PTPRD: variants seen among roughly 807,000 people sequenced by gnomAD.
PTPRD encodes protein tyrosine phosphatase receptor type D.
A neutral mutation model predicts 214.5 loss-of-function variants in PTPRD; 34 were observed. The ratio of observed to expected loss-of-function variants is 0.16; its 90% CI spans 0.12 to 0.21. The LOEUF is 0.21. PTPRD is among the 10% of genes least tolerant of loss of function. The probability of loss-of-function intolerance (pLI) is 1.00; values close to 1 mark genes in which losing one functional copy is unlikely to be tolerated. For synonymous variants in PTPRD, 1,128 were observed against 845.7 expected (o/e 1.33, Z -5.79); for missense variants, 2,545 against 2,398.7 (o/e 1.06, Z -1.27).
intron 3 of PTPRD, among the ~76,000 whole-genome samples, chr9:10,330,241 G>A (rs1191409675): frequency 1.3e-5 from 2 of 151,694 alleles, no homozygotes. Context: ...AGCTAATGAT[G>A]GTGTATTCCA....
intron 11 of PTPRD, among the ~76,000 whole-genome samples, chr9:8,806,261 G>T (rs2096678673): frequency 1.4e-5 from 2 of 145,824 alleles, no homozygotes; most frequent in Admixed American, 1.4e-4. Context: ...GCGGGGGGGG[G>T]ATTTTTAAGG....
intron 7 of PTPRD, among the ~76,000 whole-genome samples, chr9:9,614,627 T>C (rs2094739794): frequency 6.6e-6 from 1 of 152,214 alleles, no homozygotes; most frequent in Non-Finnish European, 1.5e-5. Flanking sequence ...TAGCATCTCT[T>C]TGATGTGCTA....
At chr9:8,708,403 G>C (rs2098254160) in intron 12 of PTPRD, among the ~76,000 whole-genome samples, 2 of 152,086 alleles carry the variant, frequency 1.3e-5, no homozygotes, top group Admixed American at 6.5e-5. Context: ...GCCAGGTGCA[G>C]TGGCTCACAT....
At chr9:8,661,201 G>A (rs1387299003) in intron 12 of PTPRD, among the ~76,000 whole-genome samples, 1 of 151,962 alleles carries the variant, frequency 6.6e-6, no homozygotes, top group Non-Finnish European at 1.5e-5. Context: ...CCTGGCCTGA[G>A]GACACTAAAA....
At chr9:8,695,444 A>G (rs1460916670) in intron 12 of PTPRD, among the ~76,000 whole-genome samples, 1 of 151,784 alleles carries the variant, frequency 6.6e-6, no homozygotes, top group African/African-American at 2.4e-5. Flanking sequence ...ATGAGAGTAG[A>G]TAAAATCTGG....
intron 8 of PTPRD, among the ~76,000 whole-genome samples, chr9:9,412,279 T>G (rs1441980937): frequency 6.6e-6 from 1 of 152,208 alleles, no homozygotes; most frequent in East Asian, 1.9e-4. Flanking sequence ...AATTTGGTAT[T>G]TGTGGCAAGT....
chr9:9,571,611 C>A (rs1330820444), intron 8 of PTPRD, among the ~76,000 whole-genome samples: 2 of 150,948 alleles, frequency 1.3e-5, no homozygotes, highest in Non-Finnish European at 3.0e-5. Flanking sequence ...TATCATAATT[C>A]ATTTAGGCTT....
chr9:9,477,479 C>T (rs916416848), intron 8 of PTPRD, among the ~76,000 whole-genome samples: 7 of 152,090 alleles, frequency 4.6e-5, no homozygotes, highest in Non-Finnish European at 1.0e-4. Flanking sequence ...GTGTAGTCAC[C>T]CCACTCAAAG....
chr9:8,956,616 A>G (rs2099132934), intron 11 of PTPRD, among the ~76,000 whole-genome samples: 1 of 151,874 alleles, frequency 6.6e-6, no homozygotes, highest in South Asian at 2.1e-4. Flanking sequence ...TTTAAAAGTC[A>G]GGATCAAGGA....
chr9:8,864,564 T>C (rs1481646562), intron 11 of PTPRD, among the ~76,000 whole-genome samples: 1 of 152,210 alleles, frequency 6.6e-6, no homozygotes, highest in East Asian at 1.9e-4. Flanking sequence ...TGAAATTATT[T>C]TTAAAGGTTC....
At chr9:10,307,050 T>G (rs533663265) in intron 3 of PTPRD, among the ~76,000 whole-genome samples, 2 of 152,246 alleles carry the variant, frequency 1.3e-5, no homozygotes, top group African/African-American at 4.8e-5. Flanking sequence ...ACTTTGAACA[T>G]TTATCATTTA....
At chr9:8,847,567 CTTTAT>C (rs1360676675) in intron 11 of PTPRD, among the ~76,000 whole-genome samples, 5 of 152,106 alleles carry the variant, frequency 3.3e-5, no homozygotes, top group African/African-American at 1.2e-4. Context: ...TTCCATGTAA[CTTTAT>C]TTTATGTATC....
chr9:9,609,476 T>C (rs1266167460), intron 7 of PTPRD, among the ~76,000 whole-genome samples: 2 of 152,158 alleles, frequency 1.3e-5, no homozygotes, highest in Non-Finnish European at 2.9e-5. Flanking sequence ...TCGTTGTTTG[T>C]TTTTGGGACA....
At chr9:8,826,885 A>T (rs1031209949) in intron 11 of PTPRD, among the ~76,000 whole-genome samples, 2 of 152,024 alleles carry the variant, frequency 1.3e-5, no homozygotes, top group Non-Finnish European at 2.9e-5. Context: ...GGTTCTCATC[A>T]TATCTTTAAA....
At chr9:9,046,090 T>C (rs1340958879) in intron 10 of PTPRD, among the ~76,000 whole-genome samples, 1 of 152,186 alleles carries the variant, frequency 6.6e-6, no homozygotes, top group African/African-American at 2.4e-5. Flanking sequence ...TTTATTTTTA[T>C]GTAAAATGTC....
intron 8 of PTPRD, among the ~76,000 whole-genome samples, chr9:9,427,764 G>T (rs200471516): frequency 1.3e-5 from 2 of 152,066 alleles, no homozygotes; most frequent in African/African-American, 4.8e-5. Context: ...TACTCAACAT[G>T]CTTAAAGAAA....
chr9:9,302,888 A>G (rs912985401), intron 9 of PTPRD, among the ~76,000 whole-genome samples: 1 of 151,838 alleles, frequency 6.6e-6, no homozygotes, highest in African/African-American at 2.4e-5. Context: ...TCTTCTGCAA[A>G]TCTCTAGCAC....
rs1243273828 is a variant in PTPRD at position 8,318,067 on chromosome 9, C to T, written c.5671-125G>A. 7.5e-6 allele frequency: 6 copies of T among 802,366 alleles called. No homozygotes were observed. In the African/African-American group the frequency reaches 1.1e-4, roughly 14 times the overall value. 49.7% of individuals were successfully genotyped at this position (802,366 alleles called of 1,614,324 possible). ...ATAGGGGCAAAATCACTACTTTCGT[C>T]AACTGGTCTAATCCAATGACCAATT... On this transcript the variant is annotated intron_variant, in intron 45 of 45. Transcript: ENST00000381196.
chr9:10,198,842 T>C (rs1593924424), intron 3 of PTPRD, among the ~76,000 whole-genome samples: 1 of 152,096 alleles, frequency 6.6e-6, no homozygotes, highest in Non-Finnish European at 1.5e-5. Context: ...ATGTATGAGA[T>C]GAGATTTATA....
Sources: allele counts gnomAD v4.1 joint callset (sites outside exome capture counted in the v4.1 genomes callset), GRCh38; gene constraint gnomAD v4.1.1; transcripts MANE v1.5; gene names NCBI Gene and HGNC (gene_info 2026-07-23, HGNC 2026-07-21).